The following HJURP variants were observed in gnomAD, a reference collection of about 807,000 sequenced individuals.
HJURP encodes the protein Holliday junction recognition protein, also known as 14-3-3-associated AKT substrate.
Under a neutral mutation model 72.0 loss-of-function variants are expected in HJURP, and 49 were observed. That is an observed-to-expected ratio of 0.68 (90% CI 0.54 to 0.86). HJURP has a LOEUF of 0.86. Among genes scored for constraint, HJURP ranks in the 40% least tolerant of loss-of-function variants. The probability of loss-of-function intolerance (pLI) is 0.00; values close to 1 mark genes in which losing one functional copy is unlikely to be tolerated. For synonymous variants in HJURP, 357 were observed against 347.1 expected (o/e 1.03, Z -0.32); for missense variants, 908 against 936.3 (o/e 0.97, Z 0.39).
chr2:233,854,292 C>T (rs753489969), intron 1 of HJURP, 92 bp downstream of exon 1: 20 of 867,412 alleles, frequency 2.3e-5, no homozygotes, highest in Middle Eastern at 3.3e-4. Flanking sequence ...GCTCCGAGTC[C>T]TCAGAGCCCC....
chr2:233,838,822 T>C (rs550001465), intron 8 of HJURP, among the ~76,000 whole-genome samples: 1 of 152,316 alleles, frequency 6.6e-6, no homozygotes, highest in Admixed American at 6.5e-5. Context: ...TAGCTGAGAT[T>C]CTTGAAGGCT....
At chr2:233,844,616 G>A (rs1269486854) in intron 6 of HJURP, among the ~76,000 whole-genome samples, 2 of 152,116 alleles carry the variant, frequency 1.3e-5, no homozygotes, top group Non-Finnish European at 2.9e-5. Context: ...ACCGGACGGT[G>A]GACAAAGAAG....
chr2:233,845,716 GA>G lies in HJURP; in HGVS notation c.495+11del. ...TAATTATATAAAAACAAACAACTGG[GA>G]AACAGATTACCTCAAAATACTCTGC... On this transcript the variant is annotated intron_variant, in intron 6 of 8. Coordinates refer to ENST00000411486, the MANE Select transcript of HJURP (RefSeq NM_018410.5). 1 of 1,535,184 alleles carries G rather than the reference GA, an allele frequency of 6.5e-7. No homozygotes were observed. The highest frequency in any genetic ancestry group is 9.0e-7 in the Non-Finnish European group (1 of 1,112,688).
Position 233,854,398 on chromosome 2 carries a change from G to A in HJURP, c.103C>T (p.Arg35Trp). Residue 35 changes from arginine (R) to tryptophan (W), a missense_variant, in exon 1 of 9, where the codon CGG becomes TGG. Arg to Trp is a moderately radical substitution (Grantham distance 101, BLOSUM62 -3). Coordinates refer to ENST00000411486, the MANE Select transcript of HJURP (RefSeq NM_018410.5). ...SRRRFQRRMQRLIEKYNQPFE... is the reference protein window; with the variant it reads ...SRRRFQRRMQWLIEKYNQPFE... ...GGGGGCCGCACCTTCTCTATCAGCC[G>A]CTGCATGCGCCTCTGGAAGCGGCGG... is the stretch of plus-strand genomic sequence containing the variant. 6.3e-7 allele frequency: 1 copy of A among 1,598,246 alleles called. No individual in the cohort carries two copies. The highest frequency in any genetic ancestry group is 8.5e-7 in the Non-Finnish European group (1 of 1,173,786).
chr2:233,854,483 G>T lies in HJURP; in HGVS notation c.18C>A (p.Arg6=). 6.2e-7 allele frequency: 1 copy of T among 1,611,786 alleles called. No individual in the cohort carries two copies. Among genetic ancestry groups the T allele is most frequent in the Non-Finnish European group, 8.5e-7 (1 of 1,178,972 alleles). Residue 6 remains arginine (R), a synonymous_variant, in exon 1 of 9, where the codon CGC becomes CGA. Transcript: ENST00000411486. The stretch of plus-strand genomic sequence containing the variant: ...CTTCCACGTCCTCGCCCTCCATGGC[G>T]CGCAGCGTACCCAGCATCGGACCCA... MLGTL[R]AMEGEDVEDD... is the part of the protein sequence containing the mutation.
rs1332667845 is a variant in HJURP at position 233,853,828 on chromosome 2, T to C, written c.184+16A>G. On this transcript the variant is annotated intron_variant, in intron 2 of 8. Coordinates refer to ENST00000411486, the MANE Select transcript of HJURP (RefSeq NM_018410.5). Reference sequence around the variant, plus strand: ...ACTCTTCACCCGAATACTCAGAAGGTGGGGAAGACCCTTACCCTGTGGCGT... The same window carrying C: ...ACTCTTCACCCGAATACTCAGAAGGCGGGGAAGACCCTTACCCTGTGGCGT... The C allele has an allele frequency of 1.2e-6, 2 of 1,605,978 alleles. No individual in the cohort carries two copies. The highest frequency in any genetic ancestry group is 1.7e-6 in the Non-Finnish European group (2 of 1,172,962).
intron 3 of HJURP, 46 bp from the exon 4 acceptor site, chr2:233,849,905 C>T: frequency 8.5e-7 from 1 of 1,183,214 alleles, no homozygotes. Context: ...TGAGTGACAG[C>T]ACATTTCAAA....
rs779091349 is a variant in HJURP at position 233,854,393 on chromosome 2, C to T, written c.108G>A (p.Leu36=). ...RRRFQRRMQR[L]IEKYNQPFED... Reference sequence around the variant, plus strand: ...CCGGCGGGGGCCGCACCTTCTCTATCAGCCGCTGCATGCGCCTCTGGAAGC... The same window carrying T: ...CCGGCGGGGGCCGCACCTTCTCTATTAGCCGCTGCATGCGCCTCTGGAAGC... Residue 36 remains leucine, a synonymous_variant, in exon 1 of 9, where the codon CTG becomes CTA. Coordinates refer to ENST00000411486, the MANE Select transcript of HJURP (RefSeq NM_018410.5). 6.3e-7 allele frequency: 1 copy of T among 1,593,822 alleles called. No individual in the cohort carries two copies. Among genetic ancestry groups the T allele is most frequent in the East Asian group, 2.3e-5 (1 of 44,310 alleles).
chr2:233,840,242 A>C (rs1221977900), intron 8 of HJURP, among the ~76,000 whole-genome samples: 1 of 152,204 alleles, frequency 6.6e-6, no homozygotes, highest in Non-Finnish European at 1.5e-5. Flanking sequence ...TTCGCCTTAC[A>C]ACAGCTATTT....
chr2:233,851,612 T>C (rs973732589), intron 3 of HJURP, among the ~76,000 whole-genome samples: 1 of 151,978 alleles, frequency 6.6e-6, no homozygotes, highest in Admixed American at 6.6e-5. Context: ...TATACAACAG[T>C]TGATGAAGAG....
intron 4 of HJURP, 64 bp from the exon 5 acceptor site, chr2:233,847,525 G>T (rs1333218865): frequency 1.0e-5 from 14 of 1,403,092 alleles, no homozygotes; most frequent in Non-Finnish European, 1.4e-5. Flanking sequence ...TCCTCTCAAG[G>T]ATGGTTTTGG....
chr2:233,852,526 C>A, intron 3 of HJURP, 39 bp downstream of exon 3: 1 of 1,469,486 alleles, frequency 6.8e-7, no homozygotes, highest in Non-Finnish European at 9.6e-7. Flanking sequence ...TACTCCTCCA[C>A]AGCAAGGTTA....
chr2:233,840,948 T>A lies in HJURP; in HGVS notation c.1832A>T (p.Lys611Ile). The A allele has an allele frequency of 6.2e-7, 1 of 1,614,162 alleles. No individual in the cohort carries two copies. The highest frequency in any genetic ancestry group is 8.5e-7 in the Non-Finnish European group (1 of 1,180,018). ...TTGATATCGAACTTCCATACTTGCT[T>A]TATCTGTAGACACTCCAATACATAA... ...VPLCIGVSTDKASMEVRYQTE... is the reference protein window; with the variant it reads ...VPLCIGVSTDIASMEVRYQTE... The change falls in exon 8 of 9, where the codon AAA becomes ATA. Residue 611 changes from lysine (K) to isoleucine (I), a missense_variant. This residue lies in a region of HJURP where 598 missense variants were observed against 619.5 expected (regional missense o/e 0.97). Transcript: ENST00000411486.
intron 3 of HJURP, among the ~76,000 whole-genome samples, chr2:233,851,470 A>C (rs1245342724): frequency 2.6e-4 from 39 of 152,348 alleles, no homozygotes. Flanking sequence ...AATATGTATC[A>C]TCCGGCCCTT....
At chr2:233,845,706 A>G (rs764661100) in intron 6 of HJURP, 22 bp downstream of exon 6, 1 of 1,491,872 alleles carries the variant, frequency 6.7e-7, no homozygotes, top group East Asian at 2.3e-5. Context: ...ATATAAAAAC[A>G]AACAACTGGG....
At chr2:233,843,706 C>T (rs1343412814) in intron 7 of HJURP, among the ~76,000 whole-genome samples, 2 of 152,174 alleles carry the variant, frequency 1.3e-5, no homozygotes, top group African/African-American at 2.4e-5. Context: ...CTGCAAAGGA[C>T]GTCACTGGCA....
rs745848324 is a variant in HJURP, at chr2:233,836,740, C to T, written c.*837G>A. The T allele has an allele frequency of 1.3e-5, 2 of 151,930 alleles. No individual in the cohort carries two copies. The highest frequency in any genetic ancestry group is 2.9e-5 in the Non-Finnish European group (2 of 68,014). The allele number at this position is 151,930 out of a possible 1,614,324, so 9.4% of individuals were successfully genotyped here. On this transcript the variant is annotated 3_prime_UTR_variant, in exon 9 of 9. Coordinates refer to ENST00000411486, the MANE Select transcript of HJURP (RefSeq NM_018410.5). ...ACTATTTACTCCAGCATGAGTTTCACCAATGTATTCTGAATATGTGAAATA... is the reference window on the plus strand; with the variant it reads ...ACTATTTACTCCAGCATGAGTTTCATCAATGTATTCTGAATATGTGAAATA...
At chr2:233,850,724 C>G (rs910611614) in intron 3 of HJURP, among the ~76,000 whole-genome samples, 1 of 152,138 alleles carries the variant, frequency 6.6e-6, no homozygotes, top group African/African-American at 2.4e-5. Context: ...GAAACCGTCA[C>G]GTAAGGTGGA....
rs757840138 is a variant in HJURP, at chr2:233,841,480, T to A, written c.1300A>T (p.Ile434Phe). ...TGAAGCTGATCAAATCGGATTTCAA[T>A]CTCCCTCTGACGGTTCTCTCCATGG... ...QGHGENRQRE[I>F]EIRFDQLHRE... Residue 434 changes from isoleucine (I) to phenylalanine (F), a missense_variant, in exon 8 of 9, where the codon ATT (isoleucine) becomes TTT (phenylalanine). Physicochemically the swap from Ile to Phe is conservative, Grantham distance 21. This residue lies in a region of HJURP where 598 missense variants were observed against 619.5 expected (regional missense o/e 0.97). Transcript: ENST00000411486. The A allele has an allele frequency of 1.6e-5, 26 of 1,614,068 alleles. 1 individual carries two copies. The highest frequency in any genetic ancestry group is 2.1e-5 in the Non-Finnish European group (25 of 1,180,042).
Sources: allele counts gnomAD v4.1 joint callset (sites outside exome capture counted in the v4.1 genomes callset), GRCh38; gene constraint gnomAD v4.1.1; regional missense constraint gnomAD v4.1.1; transcripts MANE v1.5; gene names NCBI Gene and HGNC (gene_info 2026-07-23, HGNC 2026-07-21).